C1QTNF3: variants seen among roughly 807,000 people sequenced by gnomAD.
C1QTNF3 encodes the protein complement C1q tumor necrosis factor-related protein 3.
C1QTNF3 carries 26 observed loss-of-function variants against 32.6 expected under a neutral mutation model. The observed-to-expected ratio is 0.80, with a 90% confidence interval of 0.58 to 1.11. The LOEUF (loss-of-function observed/expected upper bound fraction) is 1.11. Among genes scored for constraint, C1QTNF3 ranks in the 50% least tolerant of loss-of-function variants. C1QTNF3 has a pLI of 0.00. For missense variants in C1QTNF3, 362 were observed against 398.2 expected, an observed-to-expected ratio of 0.91 and a Z score of 0.77; for synonymous variants, 155 against 146.0, an observed-to-expected ratio of 1.06 and a Z score of -0.44.
chr5:34,028,604 A>C, intron 4 of C1QTNF3, 150 bp downstream of exon 4: 1 of 637,068 alleles, frequency 1.6e-6, no homozygotes, highest in Non-Finnish European at 2.4e-6. Context: ...AAAAATAACT[A>C]CCTTAATGTC....
At chr5:34,048,465 G>C in the C1QTNF3 span, among the ~76,000 whole-genome samples, 1 of 152,106 alleles carries the variant, frequency 6.6e-6, no homozygotes, top group Admixed American at 6.6e-5. Context: ...TAACCATCTT[G>C]TAAGGTTGAG....
chr5:34,032,779 G>C (rs972117929), intron 3 of C1QTNF3, among the ~76,000 whole-genome samples: 1 of 152,134 alleles, frequency 6.6e-6, no homozygotes, highest in African/African-American at 2.4e-5. Flanking sequence ...CTGGACAACA[G>C]AGCAAGACTC....
the C1QTNF3 span, among the ~76,000 whole-genome samples, chr5:34,155,639 T>C: frequency 3.0e-4 from 45 of 152,132 alleles, no homozygotes; most frequent in Non-Finnish European, 5.1e-4. Flanking sequence ...TTTGCCTTGA[T>C]TGGAAGAGAC....
the C1QTNF3 span, among the ~76,000 whole-genome samples, chr5:34,102,722 A>G: frequency 1.3e-5 from 2 of 152,242 alleles, no homozygotes. Flanking sequence ...GGAAACCATC[A>G]TTCTCAGCAA....
the C1QTNF3 span, among the ~76,000 whole-genome samples, chr5:34,141,627 G>C: frequency 1.4e-4 from 22 of 151,926 alleles, 1 homozygote; most frequent in African/African-American, 4.6e-4. Context: ...TGAGGAGTCA[G>C]ACAAAAAAAG....
chr5:34,233,788 G>A, the C1QTNF3 span, among the ~76,000 whole-genome samples: 20 of 151,722 alleles, frequency 1.3e-4, no homozygotes, highest in Non-Finnish European at 1.8e-4. Context: ...CAACTTCTTC[G>A]AATAGGTGAA....
the C1QTNF3 span, among the ~76,000 whole-genome samples, chr5:34,195,497 A>G: frequency 2.4e-3 from 358 of 151,866 alleles, 1 homozygote; most frequent in African/African-American, 8.3e-3. Flanking sequence ...CAAGTGTAAT[A>G]TATCAGCCTA....
the C1QTNF3 span, among the ~76,000 whole-genome samples, chr5:34,119,315 A>G: frequency 6.6e-6 from 1 of 152,168 alleles, no homozygotes; most frequent in African/African-American, 2.4e-5. Flanking sequence ...TCTAAAGAGA[A>G]TTATCCCAAT....
chr5:34,124,570 A>G, the C1QTNF3 span: 2 of 640,440 alleles, frequency 3.1e-6, no homozygotes, highest in Non-Finnish European at 5.8e-6. Flanking sequence ...TCACTATCAC[A>G]AGAACAGCAC....
chr5:34,163,666 TAGAA>T, the C1QTNF3 span, among the ~76,000 whole-genome samples: 5 of 152,076 alleles, frequency 3.3e-5, no homozygotes, highest in Non-Finnish European at 7.4e-5. Flanking sequence ...AGACTGGACA[TAGAA>T]AGACTCTCAC....
chr5:34,174,800 C>T, the C1QTNF3 span, among the ~76,000 whole-genome samples: 2 of 152,176 alleles, frequency 1.3e-5, no homozygotes, highest in Non-Finnish European at 2.9e-5. Context: ...AGTGCGGTGG[C>T]ACAATCTCGG....
the C1QTNF3 span, among the ~76,000 whole-genome samples, chr5:34,070,385 C>CT: frequency 6.6e-6 from 1 of 152,096 alleles, no homozygotes; most frequent in Non-Finnish European, 1.5e-5. Flanking sequence ...CAAAAAATGG[C>CT]TTTTTGGGGG....
At chr5:34,197,716 G>C in the C1QTNF3 span, among the ~76,000 whole-genome samples, 2 of 151,970 alleles carry the variant, frequency 1.3e-5, no homozygotes, top group African/African-American at 4.8e-5. Flanking sequence ...TGTGTTGGAA[G>C]GTCCATGTCT....
the C1QTNF3 span, among the ~76,000 whole-genome samples, chr5:34,066,609 C>T: frequency 1.7e-3 from 255 of 151,458 alleles, 1 homozygote; most frequent in African/African-American, 3.4e-3. Flanking sequence ...GTGATAATGA[C>T]GGCGAAATTT....
the C1QTNF3 span, among the ~76,000 whole-genome samples, chr5:34,143,665 C>T: frequency 6.6e-6 from 1 of 152,172 alleles, no homozygotes; most frequent in African/African-American, 2.4e-5. Context: ...CCAATGAAGA[C>T]TTTCATATCC....
chr5:34,210,763 G>A, the C1QTNF3 span, among the ~76,000 whole-genome samples: 5 of 151,990 alleles, frequency 3.3e-5, no homozygotes, highest in African/African-American at 1.2e-4. Flanking sequence ...CTTTGTGAGT[G>A]TGAACTATAT....
the C1QTNF3 span, among the ~76,000 whole-genome samples, chr5:34,235,894 AAACAG>A: frequency 7.9e-5 from 12 of 152,270 alleles, no homozygotes; most frequent in Non-Finnish European, 1.6e-4. Flanking sequence ...ATAATATCTT[AAACAG>A]AACAGAAGTT....
At chr5:34,045,133 C>G (rs989209206), upstream of C1QTNF3, among the ~76,000 whole-genome samples, 5 of 152,198 alleles carry the variant, frequency 3.3e-5, no homozygotes, top group Non-Finnish European at 7.4e-5. Context: ...TCACCCAATT[C>G]ACAGGTTTTC....
the C1QTNF3 span, among the ~76,000 whole-genome samples, chr5:34,101,652 G>A: frequency 6.6e-6 from 1 of 151,972 alleles, no homozygotes; most frequent in South Asian, 2.1e-4. Context: ...CTTTCTGTGA[G>A]GAAACCTTGC....
Sources: gnomAD v4.1 joint callset for allele counts (sites outside exome capture counted in the v4.1 genomes callset) on GRCh38, gnomAD v4.1.1 for gene constraint, MANE v1.5 for transcripts, NCBI Gene and HGNC (gene_info 2026-07-23, HGNC 2026-07-21) for gene names.